Variants in SASH1 observed in about 807,000 individuals in gnomAD.
The protein encoded by SASH1 is SAM and SH3 domain-containing protein 1.
In SASH1, 44 loss-of-function variants were observed where a neutral mutation model predicts 125.2. That is an observed-to-expected ratio of 0.35 (90% CI 0.28 to 0.45). The LOEUF (loss-of-function observed/expected upper bound fraction) is 0.45, where lower values mean the gene tolerates loss of function less well. Among genes scored for constraint, SASH1 ranks in the 20% least tolerant of loss-of-function variants. SASH1 has a pLI of 1.00. For missense variants in SASH1, 1,426 were observed against 1,614.5 expected (o/e 0.88, Z 2.00); for synonymous variants, 639 against 649.1 (o/e 0.98, Z 0.24).
At chr6:148,272,361 A>G (rs1256957149) in exon 1 of SASH1, 10 of 470,908 alleles carry the variant, frequency 2.1e-5, no homozygotes, top group South Asian at 9.3e-5. Context: ...CACTTCATGG[A>G]GGAACAAGAT....
At chr6:148,425,605 G>A (rs1407927934) in intron 2 of SASH1, among the ~76,000 whole-genome samples, 1 of 151,796 alleles carries the variant, frequency 6.6e-6, no homozygotes, top group Non-Finnish European at 1.5e-5. Flanking sequence ...TGAAAAAATT[G>A]GAAAATATTT....
At chr6:148,367,689 G>T (rs1403988581) in intron 1 of SASH1, among the ~76,000 whole-genome samples, 1 of 152,252 alleles carries the variant, frequency 6.6e-6, no homozygotes, top group Non-Finnish European at 1.5e-5. Flanking sequence ...ACAAGTCCAG[G>T]TCTTCTGCCC....
At chr6:148,446,299 G>A (rs1047863444) in intron 4 of SASH1, among the ~76,000 whole-genome samples, 3 of 151,548 alleles carry the variant, frequency 2.0e-5, no homozygotes, top group Non-Finnish European at 1.5e-5. Flanking sequence ...TAGTAGAGAC[G>A]GGGTTTCACC....
At chr6:148,448,905 C>T (rs1185574191) in intron 4 of SASH1, among the ~76,000 whole-genome samples, 4 of 152,064 alleles carry the variant, frequency 2.6e-5, no homozygotes, top group Non-Finnish European at 4.4e-5. Context: ...ACTTTTCTGC[C>T]CTTCACCCAG....
intron 2 of SASH1, among the ~76,000 whole-genome samples, chr6:148,396,508 GA>G (rs1307687214): frequency 7.6e-6 from 1 of 131,776 alleles, no homozygotes; most frequent in African/African-American, 2.8e-5. Flanking sequence ...AAAAAAGAAA[GA>G]AAGAGAACCA....
At chr6:148,211,568 C>T in the SASH1 span, among the ~76,000 whole-genome samples, 2 of 145,518 alleles carry the variant, frequency 1.4e-5, no homozygotes, top group African/African-American at 5.4e-5. Flanking sequence ...AAGACGCCAT[C>T]TCAAAGGGAA....
chr6:148,421,579 C>T (rs1425378807), intron 2 of SASH1, among the ~76,000 whole-genome samples: 1 of 152,234 alleles, frequency 6.6e-6, no homozygotes, highest in Non-Finnish European at 1.5e-5. Flanking sequence ...GCTGGGATTA[C>T]AGGCATGAGC....
At chr6:148,262,912 G>A in the SASH1 span, among the ~76,000 whole-genome samples, 1 of 152,126 alleles carries the variant, frequency 6.6e-6, no homozygotes, top group Admixed American at 6.5e-5. Context: ...CCCAATTAAT[G>A]GGGGTTTCAA....
chr6:148,296,460 T>C (rs1314058219), intron 1 of SASH1, among the ~76,000 whole-genome samples: 1 of 152,198 alleles, frequency 6.6e-6, no homozygotes, highest in Non-Finnish European at 1.5e-5. Flanking sequence ...TGTATTTTAT[T>C]TTTTATATTT....
the SASH1 span, among the ~76,000 whole-genome samples, chr6:148,259,124 C>T: frequency 0.024 from 3,720 of 152,210 alleles, 164 homozygotes; most frequent in African/African-American, 0.085. Flanking sequence ...TCGTTGTCTG[C>T]GAGGGATGAG....
chr6:148,527,537 G>T lies in SASH1; in HGVS notation c.1369G>T (p.Val457Leu), dbSNP rs35089420. Residue 457 changes from valine to leucine, a missense_variant, in exon 12 of 20, where the codon GTG becomes TTG. Physicochemically the swap from Val to Leu is conservative, Grantham distance 32. Coordinates refer to ENST00000367467, the MANE Select transcript of SASH1 (RefSeq NM_015278.5). ...CTCTCTTGGGAAAAAGGTGAAATCA[G>T]TGAAAGAGACGATGAGAAAGAGAAT... ...RISLGKKVKS[V>L]KETMRKRMSK... 1 of 1,610,538 alleles carries T rather than the reference G, an allele frequency of 6.2e-7. No individual in the cohort carries two copies. The highest frequency in any genetic ancestry group is 8.5e-7 in the Non-Finnish European group (1 of 1,178,908).
At chr6:148,339,314 G>A (rs1366669437), upstream of SASH1, among the ~76,000 whole-genome samples, 1 of 151,986 alleles carries the variant, frequency 6.6e-6, no homozygotes, top group East Asian at 1.9e-4. Context: ...AAAGTGCTGG[G>A]ATTACAGGAA....
chr6:148,442,067 CT>C, intron 4 of SASH1, among the ~76,000 whole-genome samples: 1 of 152,188 alleles, frequency 6.6e-6, no homozygotes, highest in East Asian at 1.9e-4. Flanking sequence ...CTATCCTTTG[CT>C]TTTAACTTAA....
At chr6:148,384,276 T>G (rs1260086244) in intron 1 of SASH1, among the ~76,000 whole-genome samples, 2 of 152,130 alleles carry the variant, frequency 1.3e-5, no homozygotes, top group Non-Finnish European at 2.9e-5. Flanking sequence ...CTAATATTGC[T>G]TAAGTTTAAT....
rs562132318 is a variant in SASH1 at position 148,518,711 on chromosome 6, T to TTC, written c.863-833_863-832dup. 7.9e-5 allele frequency among the ~76,000 whole-genome samples: 12 copies of TTC among 152,318 alleles called. No individual in the cohort carries two copies. In the South Asian group the frequency reaches 2.5e-3, roughly 32 times the overall value. On this transcript the variant is annotated intron_variant, in intron 9 of 19. Transcript: ENST00000367467. Reference sequence around the variant, plus strand: ...ACACCCACAGTTTGACCTACTTCTTTTCTCACATCTGTTCACATAACACAT... The same window carrying TTC: ...ACACCCACAGTTTGACCTACTTCTTTTCTCTCACATCTGTTCACATAACACAT...
intron 8 of SASH1, among the ~76,000 whole-genome samples, chr6:148,491,118 A>T (rs1779089783): frequency 1.3e-5 from 2 of 152,358 alleles, no homozygotes; most frequent in African/African-American, 4.8e-5. Flanking sequence ...AACTTAAAGA[A>T]TTATCCTAGA....
At chr6:148,387,243 A>G (rs938331029) in intron 1 of SASH1, among the ~76,000 whole-genome samples, 2 of 150,550 alleles carry the variant, frequency 1.3e-5, no homozygotes, top group African/African-American at 4.9e-5. Context: ...TCAGGCTCCA[A>G]AGTAGCTGGG....
chr6:148,289,869 T>G (rs1353645763), intron 1 of SASH1, among the ~76,000 whole-genome samples: 1 of 141,892 alleles, frequency 7.0e-6, no homozygotes, highest in Non-Finnish European at 1.5e-5. Context: ...GTGTTTTTTT[T>G]TTTTTTTTTT....
chr6:148,508,880 A>G, intron 8 of SASH1: 2 of 1,283,360 alleles, frequency 1.6e-6, no homozygotes, highest in Non-Finnish European at 2.0e-6. Flanking sequence ...CGAAGCCGGT[A>G]AGTCACTGAA....
Sources: allele counts gnomAD v4.1 joint callset (sites outside exome capture counted in the v4.1 genomes callset), GRCh38; gene constraint gnomAD v4.1.1; transcripts MANE v1.5; gene names NCBI Gene and HGNC (gene_info 2026-07-23, HGNC 2026-07-21).